SPATA6L: variants seen among roughly 807,000 people sequenced by gnomAD.
SPATA6L encodes the protein spermatogenesis associated 6-like protein.
SPATA6L carries 68 observed loss-of-function variants against 49.2 expected under a neutral mutation model. The observed-to-expected ratio is 1.38, with a 90% CI of 1.14 to 1.69. The LOEUF (loss-of-function observed/expected upper bound fraction) is 1.69, where lower values mean the gene tolerates loss of function less well. Among genes scored for constraint, SPATA6L ranks in the 40% most tolerant of loss-of-function variants. SPATA6L has a pLI of 0.00. For synonymous variants in SPATA6L, 198 were observed against 165.7 expected (o/e 1.19, Z -1.50); for missense variants, 668 against 464.3 (o/e 1.44, Z -4.03).
At chr9:4,643,373 A>G (rs532104037) in intron 3 of SPATA6L, among the ~76,000 whole-genome samples, 2 of 152,256 alleles carry the variant, frequency 1.3e-5, no homozygotes, top group South Asian at 2.1e-4. Context: ...CATGCCATGC[A>G]CTCCTGGATG....
At position 4,635,319 on chromosome 9, in the gene SPATA6L, T is replaced by C; in HGVS notation, c.307A>G (p.Arg103Gly). The stretch of plus-strand genomic sequence containing the variant: ...TTCATGAGCACCTCCCTACACCTCC[T>C]AGGGTGCGAAGGTGTCAGCTTGGGC... ...PEPKLTPSHPRRCREVLMKTA... is the reference protein window; with the variant it reads ...PEPKLTPSHPGRCREVLMKTA... The change falls in exon 4 of 12, where the codon AGG (arginine) becomes GGG (glycine). Residue 103 changes from arginine (R) to glycine (G), a missense_variant. Arg to Gly is a moderately radical substitution (Grantham distance 125). Coordinates refer to ENST00000682582, the MANE Select transcript of SPATA6L (RefSeq NM_001353486.2). The C allele has an allele frequency of 6.3e-7, 1 of 1,586,124 alleles. No individual in the cohort carries two copies. Among genetic ancestry groups the C allele is most frequent in the Non-Finnish European group, 8.5e-7 (1 of 1,170,274 alleles).
chr9:4,648,343 T>G (rs1296760391), intron 3 of SPATA6L, among the ~76,000 whole-genome samples: 1 of 152,196 alleles, frequency 6.6e-6, no homozygotes, highest in Non-Finnish European at 1.5e-5. Flanking sequence ...TGATTCAGCC[T>G]CTAAATTCTT....
chr9:4,609,749 C>T (rs1826209030), intron 9 of SPATA6L, among the ~76,000 whole-genome samples: 1 of 151,182 alleles, frequency 6.6e-6, no homozygotes, highest in African/African-American at 2.4e-5. Flanking sequence ...ACAGGGATGC[C>T]CTCTCTCACC....
intron 3 of SPATA6L, among the ~76,000 whole-genome samples, chr9:4,654,441 T>C (rs940211697): frequency 6.6e-6 from 1 of 152,164 alleles, no homozygotes; most frequent in Non-Finnish European, 1.5e-5. Context: ...TTACAGCTTG[T>C]GAAGCCCCAG....
intron 9 of SPATA6L, among the ~76,000 whole-genome samples, chr9:4,609,070 C>T (rs1198295762): frequency 6.6e-6 from 1 of 150,800 alleles, no homozygotes; most frequent in Admixed American, 6.6e-5. Flanking sequence ...TTCCTCGACA[C>T]ATACGCTCTC....
intron 3 of SPATA6L, among the ~76,000 whole-genome samples, chr9:4,638,477 T>C (rs1267987926): frequency 6.6e-6 from 1 of 151,994 alleles, no homozygotes; most frequent in Non-Finnish European, 1.5e-5. Context: ...CCTCCCGAAG[T>C]GCTGGGATTA....
At chr9:4,601,126 T>C (rs1823138016) in intron 11 of SPATA6L, among the ~76,000 whole-genome samples, 1 of 152,202 alleles carries the variant, frequency 6.6e-6, no homozygotes, top group South Asian at 2.1e-4. Context: ...GTTATTCAGT[T>C]GAGCTGTTAA....
At chr9:4,663,031 C>T in intron 1 of SPATA6L, 1 of 1,613,850 alleles carries the variant, frequency 6.2e-7, no homozygotes, top group South Asian at 1.1e-5. Context: ...ACAAGGGCCG[C>T]CCTGATGTCG....
intron 7 of SPATA6L, among the ~76,000 whole-genome samples, chr9:4,621,396 T>C (rs1428624806): frequency 3.9e-5 from 6 of 152,228 alleles, no homozygotes; most frequent in Non-Finnish European, 4.4e-5. Context: ...GACTGTTTCA[T>C]TCCCATTCTC....
At chr9:4,595,654 A>G (rs781268914), downstream of SPATA6L, among the ~76,000 whole-genome samples, 7 of 152,110 alleles carry the variant, frequency 4.6e-5, no homozygotes, top group Admixed American at 2.6e-4. Flanking sequence ...TGGTCTGCCT[A>G]TTTTTTAAAT....
chr9:4,591,914 G>A (rs1055713921), intron 13 of SPATA6L, among the ~76,000 whole-genome samples: 3 of 152,124 alleles, frequency 2.0e-5, no homozygotes, highest in African/African-American at 7.2e-5. Context: ...GCAAATCAAC[G>A]TCCAGTTTCT....
At chr9:4,656,872 A>G (rs1381711140) in intron 2 of SPATA6L, among the ~76,000 whole-genome samples, 1 of 152,244 alleles carries the variant, frequency 6.6e-6, no homozygotes, top group East Asian at 1.9e-4. Flanking sequence ...GGTTGTGCTA[A>G]AAAGGAACAT....
chr9:4,659,049 C>G (rs1838984372), intron 2 of SPATA6L, among the ~76,000 whole-genome samples: 1 of 151,790 alleles, frequency 6.6e-6, no homozygotes, highest in South Asian at 2.1e-4. Flanking sequence ...CTTTTACCAC[C>G]AACTTTTTAC....
Position 4,635,261 on chromosome 9 carries a change from C to A in SPATA6L, c.351+14G>T. The A allele has an allele frequency of 6.6e-7, 1 of 1,507,406 alleles. No homozygotes were observed. The allele number at this position is 1,507,406 out of a possible 1,614,324, so 93.4% of individuals were successfully genotyped here. A position where few individuals can be genotyped will look rare whatever the true frequency, so the allele number is the denominator to read the frequency against. ...CTCTCCTAATAGAAGCCCAGATGAGCATGAATCACTTACTGGAAAACCCAG... is the reference window on the plus strand; with the variant it reads ...CTCTCCTAATAGAAGCCCAGATGAGAATGAATCACTTACTGGAAAACCCAG... On this transcript the variant is annotated intron_variant, in intron 4 of 11. Coordinates refer to ENST00000682582, the MANE Select transcript of SPATA6L (RefSeq NM_001353486.2).
intron 9 of SPATA6L, among the ~76,000 whole-genome samples, chr9:4,612,298 C>T (rs1325674011): frequency 6.6e-6 from 1 of 152,180 alleles, no homozygotes; most frequent in Non-Finnish European, 1.5e-5. Context: ...TTTCCTACCA[C>T]CAGGACTTTA....
chr9:4,618,366 G>A (rs772614678), intron 8 of SPATA6L, among the ~76,000 whole-genome samples: 3 of 152,110 alleles, frequency 2.0e-5, no homozygotes, highest in Non-Finnish European at 4.4e-5. Flanking sequence ...CTCATGCTCT[G>A]AACTTTGATT....
At chr9:4,661,702 C>T (rs1036182725) in intron 2 of SPATA6L, among the ~76,000 whole-genome samples, 197 bp downstream of exon 2, 1 of 151,830 alleles carries the variant, frequency 6.6e-6, no homozygotes, top group South Asian at 2.1e-4. Context: ...GTATTTAGCA[C>T]TAGATTGACA....
At chr9:4,653,013 A>C (rs1317809669) in intron 3 of SPATA6L, among the ~76,000 whole-genome samples, 1 of 152,210 alleles carries the variant, frequency 6.6e-6, no homozygotes, top group African/African-American at 2.4e-5. Context: ...GACATTGACA[A>C]GATGATTGAA....
chr9:4,650,824 TTGTGTGTG>T (rs59184426), intron 3 of SPATA6L, among the ~76,000 whole-genome samples: 8,540 of 136,952 alleles, frequency 0.062, 630 homozygotes, highest in African/African-American at 0.17. Flanking sequence ...CAAACCCAGC[TTGTGTGTG>T]TGTGTGTGTG....
Sources: gnomAD v4.1 joint callset for allele counts (sites outside exome capture counted in the v4.1 genomes callset) on GRCh38, gnomAD v4.1.1 for gene constraint, MANE v1.5 for transcripts, NCBI Gene and HGNC (gene_info 2026-07-23, HGNC 2026-07-21) for gene names.